Variants in MAPT observed in about 807,000 individuals in gnomAD.
MAPT encodes microtubule-associated protein tau.
MAPT carries 34 observed loss-of-function variants against 67.9 expected under a neutral mutation model. The observed-to-expected ratio is 0.50, with a 90% CI of 0.38 to 0.67. The LOEUF (loss-of-function observed/expected upper bound fraction) is 0.67, where lower values mean the gene tolerates loss of function less well. MAPT is among the 30% of genes least tolerant of loss of function. MAPT has a pLI of 0.00. For missense variants in MAPT, 881 were observed against 1,115.2 expected (o/e 0.79, Z 2.99); for synonymous variants, 456 against 464.5 (o/e 0.98, Z 0.23).
At position 45,991,577 on chromosome 17, in the gene MAPT, C is replaced by T. The variant is rs1057336659; in HGVS notation, c.1723C>T (p.Pro575Ser). The change falls in exon 8 of 13, where the codon CCC (proline) becomes TCC (serine). Residue 575 changes from proline (P) to serine (S), a missense_variant. By Grantham distance (74) the Pro-to-Ser change is moderately conservative (BLOSUM62 -1). Coordinates refer to ENST00000262410, the MANE Select transcript of MAPT (RefSeq NM_001377265.1). ...AKTPPAPKTP[P>S]SSGEPPKSGD... The stretch of plus-strand genomic sequence containing the variant: ...AACCCCGCCCGCTCCAAAGACACCA[C>T]CCAGCTCTGGTAAGAAGAACGTTCT... 3 of 1,614,124 alleles carry T rather than the reference C, an allele frequency of 1.9e-6. No homozygotes were observed. Among genetic ancestry groups the T allele is most frequent in the Admixed American group, 3.3e-5 (2 of 60,026 alleles).
chr17:45,982,628 A>T (rs958113518), intron 4 of MAPT, among the ~76,000 whole-genome samples: 11 of 151,976 alleles, frequency 7.2e-5, no homozygotes, highest in African/African-American at 2.7e-4. Context: ...TTTACAGATG[A>T]GGAAACTGAG....
At chr17:45,930,022 A>C (rs2066698026) in intron 1 of MAPT, among the ~76,000 whole-genome samples, 1 of 152,102 alleles carries the variant, frequency 6.6e-6, no homozygotes, top group East Asian at 1.9e-4. Context: ...TCTGGGCCTG[A>C]CCACCAAGCC....
intron 1 of MAPT, chr17:45,932,097 A>C (rs1035112819): frequency 6.6e-6 from 1 of 152,056 alleles, no homozygotes; most frequent in African/African-American, 2.4e-5. Flanking sequence ...AAAGAAAAAA[A>C]AAAAAGAAAC....
intron 9 of MAPT, chr17:45,999,261 C>A: frequency 6.2e-7 from 1 of 1,608,262 alleles, no homozygotes; most frequent in Admixed American, 1.7e-5. Context: ...CATGTGTCTG[C>A]TGCTCCCTAG....
At chr17:45,937,107 C>G (rs527801438) in intron 1 of MAPT, among the ~76,000 whole-genome samples, 1 of 152,330 alleles carries the variant, frequency 6.6e-6, no homozygotes, top group South Asian at 2.1e-4. Flanking sequence ...TTTGAGGAGT[C>G]TGACTCCCCT....
At chr17:45,998,638 G>A (rs575527871) in intron 9 of MAPT, among the ~76,000 whole-genome samples, 1 of 152,246 alleles carries the variant, frequency 6.6e-6, no homozygotes, top group African/African-American at 2.4e-5. Context: ...AGGCTCTCTG[G>A]ACCCTCATCC....
chr17:45,955,119 A>G (rs1230793542), intron 1 of MAPT, among the ~76,000 whole-genome samples: 2 of 152,246 alleles, frequency 1.3e-5, no homozygotes, highest in Non-Finnish European at 2.9e-5. Flanking sequence ...AAGAGAGGGC[A>G]GGATTCTTTG....
Position 46,010,467 on chromosome 17 carries a change from G to A in MAPT, c.2091+65G>A, listed in dbSNP as rs1033118073. On this transcript the variant is annotated intron_variant, in intron 10 of 12. Coordinates refer to ENST00000262410, the MANE Select transcript of MAPT (RefSeq NM_001377265.1). This position sits in a 1 kb window ranked among gnomAD's most constrained non-coding sequence, Gnocchi z 4.7. The stretch of plus-strand genomic sequence containing the variant: ...TGAATTATTAGGAAGTGGTGTGAGT[G>A]CGTACACTTGCGAGACACTGCATAG... 7.3e-6 allele frequency: 8 copies of A among 1,093,602 alleles called. No individual in the cohort carries two copies. Among genetic ancestry groups the A allele is most frequent in the Non-Finnish European group, 1.1e-5 (8 of 729,310 alleles). The allele number at this position is 1,093,602 out of a possible 1,614,324, so 67.7% of individuals were successfully genotyped here.
At chr17:45,938,810 ATTTTT>A (rs368157488) in intron 1 of MAPT, among the ~76,000 whole-genome samples, 1 of 118,106 alleles carries the variant, frequency 8.5e-6, no homozygotes, top group Non-Finnish European at 1.7e-5. Flanking sequence ...TGCCCAGCTA[ATTTTT>A]TTTTTTTTTT....
chr17:45,946,300 C>T (rs1459612529), intron 1 of MAPT, among the ~76,000 whole-genome samples: 1 of 151,866 alleles, frequency 6.6e-6, no homozygotes, highest in Non-Finnish European at 1.5e-5. Context: ...AAGGCTGTTG[C>T]CTGATCAAAA....
intron 1 of MAPT, among the ~76,000 whole-genome samples, chr17:45,918,692 G>T (rs1360614630): frequency 6.6e-6 from 1 of 152,214 alleles, no homozygotes; most frequent in Non-Finnish European, 1.5e-5. Flanking sequence ...GACTCTTAGT[G>T]TATTAGTCTG....
At chr17:45,912,867 G>T (rs866215734) in intron 1 of MAPT, among the ~76,000 whole-genome samples, 29 of 152,346 alleles carry the variant, frequency 1.9e-4, no homozygotes, top group Middle Eastern at 3.4e-3. Context: ...AAGAAAGCTG[G>T]TTGGAGCTGT....
chr17:46,010,693 G>A lies in MAPT; in HGVS notation c.2091+291G>A, dbSNP rs763040635. Among the ~76,000 whole-genome samples, 1 of 152,152 alleles carries A rather than the reference G, an allele frequency of 6.6e-6. No homozygotes were observed. The highest frequency in any genetic ancestry group is 1.5e-5 in the Non-Finnish European group (1 of 68,022). ...AGGGCAGATGACGGACCCTCTCTCC[G>A]GACCCTGCCTGGGAAGCTGAGAATA... is the stretch of plus-strand genomic sequence containing the variant. On this transcript the variant is annotated intron_variant, in intron 10 of 12. Transcript: ENST00000262410. The surrounding 1 kb of genome is among the most constrained non-coding windows in gnomAD (Gnocchi z 4.7).
intron 1 of MAPT, among the ~76,000 whole-genome samples, chr17:45,927,585 T>C (rs2066461914): frequency 6.6e-6 from 1 of 152,250 alleles, no homozygotes; most frequent in African/African-American, 2.4e-5. Context: ...CTTTTCCCTC[T>C]CCTGTCTTCT....
intron 1 of MAPT, among the ~76,000 whole-genome samples, chr17:45,900,886 G>A (rs1017270711): frequency 1.3e-5 from 2 of 152,244 alleles, no homozygotes; most frequent in South Asian, 2.1e-4. Flanking sequence ...AAGCTAACCC[G>A]GTACTCACTA....
At chr17:45,968,217 A>T (rs1313388713) in intron 2 of MAPT, among the ~76,000 whole-genome samples, 2 of 152,072 alleles carry the variant, frequency 1.3e-5, no homozygotes, top group African/African-American at 4.8e-5. Context: ...AACAAAAAAA[A>T]ACCCCACCAT....
intron 1 of MAPT, among the ~76,000 whole-genome samples, chr17:45,923,354 T>C (rs2065943139): frequency 6.6e-6 from 1 of 152,128 alleles, no homozygotes; most frequent in Non-Finnish European, 1.5e-5. Context: ...TGGGGATCAA[T>C]AGAGCAGAGG....
Position 45,929,333 on chromosome 17 carries a change from G to A in MAPT, c.-17-32988G>A, listed in dbSNP as rs184632503. ...ACATTAGGTGATGGAGCACAAATAGGCAGTTAATGGTTTCAGGGCTAGTTA... is the reference window on the plus strand; with the variant it reads ...ACATTAGGTGATGGAGCACAAATAGACAGTTAATGGTTTCAGGGCTAGTTA... On this transcript the variant is annotated intron_variant, in intron 1 of 12. Coordinates refer to ENST00000262410, the MANE Select transcript of MAPT (RefSeq NM_001377265.1). Among the ~76,000 whole-genome samples the A allele has an allele frequency of 3.7e-4, 57 of 152,310 alleles. 1 individual carries two copies. The East Asian group carries it at 0.01, about 28-fold the overall frequency.
chr17:45,980,507 A>G (rs866644356), intron 4 of MAPT: 1 of 47,168 alleles, frequency 2.1e-5, no homozygotes, highest in Non-Finnish European at 3.3e-5. Context: ...GACTCTGTTT[A>G]AAAAAAAAAA....
Sources: gnomAD v4.1 joint callset for allele counts (sites outside exome capture counted in the v4.1 genomes callset) on GRCh38, gnomAD v4.1.1 for gene constraint, Gnocchi (gnomAD v3.1) non-coding constraint, MANE v1.5 for transcripts, NCBI Gene and HGNC (gene_info 2026-07-23, HGNC 2026-07-21) for gene names.